The following LAD1 variants were observed in gnomAD, a reference collection of about 807,000 sequenced individuals.
LAD1 encodes the protein ladinin 1.
Under a neutral mutation model 54.2 loss-of-function variants are expected in LAD1, and 53 were observed. The ratio of observed to expected loss-of-function variants is 0.98; its 90% CI spans 0.78 to 1.23. The LOEUF (loss-of-function observed/expected upper bound fraction) is 1.23. LAD1 is among the 50% of genes most tolerant of loss of function. The pLI, the probability that LAD1 is intolerant of heterozygous loss-of-function variation, is 0.00. For missense variants in LAD1, 637 were observed against 653.3 expected (o/e 0.98, Z 0.27); for synonymous variants, 231 against 257.7 (o/e 0.90, Z 0.99).
intron 8 of LAD1, 148 bp downstream of exon 8, chr1:201,382,505 G>A (rs1195043202): frequency 2.9e-5 from 22 of 754,940 alleles, no homozygotes; most frequent in Admixed American, 4.6e-5. Context: ...ATTCCCGACT[G>A]CCTCCACTCC....
chr1:201,385,350 C>T (rs1662052895), intron 4 of LAD1, among the ~76,000 whole-genome samples: 1 of 152,198 alleles, frequency 6.6e-6, no homozygotes. Context: ...CTCTCTGTTC[C>T]TCCCCTCCCC....
rs1661948000 is a variant in LAD1, at chr1:201,381,143, T to A, written c.*745A>T. On this transcript the variant is annotated 3_prime_UTR_variant, in exon 10 of 10. Transcript: ENST00000391967. ...GAAAATGATGATCCTCCTCACACAC[T>A]TCAGGTGACCTCTGCTAGAAAGCAA... 2 of 153,604 alleles carry A rather than the reference T, an allele frequency of 1.3e-5. No homozygotes were observed. The highest frequency in any genetic ancestry group is 6.4e-5 in the Admixed American group (1 of 15,510). 9.5% of individuals were successfully genotyped at this position (153,604 alleles called of 1,614,324 possible). A position where few individuals can be genotyped will look rare whatever the true frequency, so the allele number is the denominator to read the frequency against.
In LAD1 at chr1:201,389,078, C is replaced by T. The variant is rs141340462; in HGVS notation, c.182+82G>A. ...AGCCTCATTTCCTGGGCCCCAACTC[C>T]CTGAGCAGACTGAATATGCTGCACT... On this transcript the variant is annotated intron_variant, in intron 2 of 9. Transcript: ENST00000391967. 2.2e-4 allele frequency: 332 copies of T among 1,511,808 alleles called. 1 individual carries two copies. In the African/African-American group the frequency reaches 4.2e-3, roughly 19 times the overall value. 93.6% of individuals were successfully genotyped at this position (1,511,808 alleles called of 1,614,324 possible).
intron 9 of LAD1, 100 bp from the exon 10 acceptor site, chr1:201,381,993 C>T: frequency 3.8e-6 from 5 of 1,300,076 alleles, no homozygotes; most frequent in African/African-American, 1.5e-5. Context: ...CCAAGCCCCA[C>T]ACCCACAAGG....
chr1:201,388,349 C>T (rs1230074031), intron 2 of LAD1, among the ~76,000 whole-genome samples: 4 of 151,366 alleles, frequency 2.6e-5, no homozygotes, highest in Non-Finnish European at 4.4e-5. Context: ...GATTGCGCCA[C>T]TGCACTCCAG....
intron 3 of LAD1, 83 bp downstream of exon 3, chr1:201,386,252 C>A (rs2102356273): frequency 1.6e-5 from 21 of 1,322,300 alleles, no homozygotes; most frequent in Non-Finnish European, 2.1e-5. Context: ...AGCCAGGGAA[C>A]CAGGGACTAC....
rs201567598 is a variant in LAD1, at chr1:201,383,415, G to A, written c.1176-26C>T. Reference sequence around the variant, plus strand: ...CTGCAGGATGGAAGATGGAACAGGCGAGCCAAGTGAGACACCCAGGGAGAC... The same window carrying A: ...CTGCAGGATGGAAGATGGAACAGGCAAGCCAAGTGAGACACCCAGGGAGAC... On this transcript the variant is annotated intron_variant, in intron 5 of 9. Coordinates refer to ENST00000391967, the MANE Select transcript of LAD1 (RefSeq NM_005558.4). 2.5e-4 allele frequency: 409 copies of A among 1,610,570 alleles called. 3 individuals carry two copies. In the East Asian group the frequency reaches 6.7e-3, roughly 27 times the overall value.
chr1:201,382,369 G>A, intron 8 of LAD1, 43 bp from the exon 9 acceptor site: 2 of 1,459,608 alleles, frequency 1.4e-6, no homozygotes, highest in Non-Finnish European at 1.9e-6. Context: ...CTAAGACCAG[G>A]CTCCAAAGGG....
At chr1:201,396,897 A>G (rs928088786) in intron 1 of LAD1, among the ~76,000 whole-genome samples, 1 of 152,084 alleles carries the variant, frequency 6.6e-6, no homozygotes, top group Non-Finnish European at 1.5e-5. Context: ...CAGGCAGGGA[A>G]ATGATTAACC....
intron 5 of LAD1, 34 bp from the exon 6 acceptor site, chr1:201,383,423 T>C (rs747670499): frequency 1.2e-6 from 2 of 1,606,198 alleles, no homozygotes; most frequent in Non-Finnish European, 1.7e-6. Flanking sequence ...GCGAGCCAAG[T>C]GAGACACCCA....
chr1:201,394,494 T>G (rs1412230911), intron 1 of LAD1, among the ~76,000 whole-genome samples: 1 of 152,230 alleles, frequency 6.6e-6, no homozygotes, highest in Non-Finnish European at 1.5e-5. Context: ...TATCCCCCTA[T>G]GGCCTTGGCC....
Position 201,382,803 on chromosome 1 carries a change from G to T in LAD1, c.1387-64C>A, listed in dbSNP as rs530559866. The T allele has an allele frequency of 7.1e-5, 91 of 1,289,224 alleles. No individual in the cohort carries two copies. The African/African-American group carries it at 1.1e-3, about 16-fold the overall frequency. 79.9% of individuals were successfully genotyped at this position (1,289,224 alleles called of 1,614,324 possible). On this transcript the variant is annotated intron_variant, in intron 7 of 9. Coordinates refer to ENST00000391967, the MANE Select transcript of LAD1 (RefSeq NM_005558.4). The stretch of plus-strand genomic sequence containing the variant: ...TGGCAGCAGCGAGGCATGTTCAGAG[G>T]CCCTGGAATGGGATAGGACTCTCCC...
In LAD1 at chr1:201,384,784, C is replaced by A. The variant is rs960965058; in HGVS notation, c.1175+8G>T. 2 of 1,613,326 alleles carry A rather than the reference C, an allele frequency of 1.2e-6. No homozygotes were observed. Among genetic ancestry groups the A allele is most frequent in the Admixed American group, 1.7e-5 (1 of 59,998 alleles). On this transcript the variant is annotated splice_region_variant and intron_variant, in intron 5 of 9. Transcript: ENST00000391967. The stretch of plus-strand genomic sequence containing the variant: ...AATAGAAAGAACCAGAGCCTCCAGG[C>A]CCCCCACCTGCGAGTTAGGGTTGTT...
intron 2 of LAD1, among the ~76,000 whole-genome samples, chr1:201,388,898 G>A (rs976847033): frequency 1.3e-5 from 2 of 152,218 alleles, no homozygotes; most frequent in African/African-American, 4.8e-5. Context: ...GGGACATTGT[G>A]TGGATTACGT....
intron 1 of LAD1, among the ~76,000 whole-genome samples, chr1:201,389,679 G>A (rs565123043): frequency 1.3e-5 from 2 of 151,648 alleles, no homozygotes; most frequent in South Asian, 2.1e-4. Flanking sequence ...AAGATTAGCC[G>A]GGTGTGGTGG....
intron 1 of LAD1, 80 bp downstream of exon 1, chr1:201,399,189 G>A (rs1662360423): frequency 8.5e-7 from 1 of 1,173,644 alleles, no homozygotes; most frequent in Non-Finnish European, 1.2e-6. Context: ...CAGGCGGGGA[G>A]GAGGCCGGTG....
intron 4 of LAD1, among the ~76,000 whole-genome samples, chr1:201,385,392 A>G (rs943555342): frequency 6.6e-6 from 1 of 152,162 alleles, no homozygotes; most frequent in African/African-American, 2.4e-5. Context: ...GAGGCCAGGA[A>G]CTGATGAAGG....
At chr1:201,392,863 T>C (rs1293469963) in intron 1 of LAD1, among the ~76,000 whole-genome samples, 1 of 151,272 alleles carries the variant, frequency 6.6e-6, no homozygotes, top group Non-Finnish European at 1.5e-5. Context: ...TGCAATCCCA[T>C]AGGCGAGAGC....
chr1:201,391,957 T>C (rs757702965), intron 1 of LAD1, among the ~76,000 whole-genome samples: 2 of 152,242 alleles, frequency 1.3e-5, no homozygotes, highest in African/African-American at 4.8e-5. Context: ...CCCAGAGTTA[T>C]AGCAACGACT....
Sources: allele counts gnomAD v4.1 joint callset (sites outside exome capture counted in the v4.1 genomes callset), GRCh38; gene constraint gnomAD v4.1.1; transcripts MANE v1.5; gene names NCBI Gene and HGNC (gene_info 2026-07-23, HGNC 2026-07-21).